AGBL4: variants seen among roughly 807,000 people sequenced by gnomAD.
AGBL4 encodes cytosolic carboxypeptidase 6.
AGBL4 carries 58 observed loss-of-function variants against 66.4 expected under a neutral mutation model. The observed-to-expected ratio is 0.87, with a 90% CI of 0.71 to 1.09. The LOEUF (loss-of-function observed/expected upper bound fraction) is 1.09. Ranked by LOEUF, AGBL4 falls within the 50% of genes least tolerant of loss-of-function variation. AGBL4 has a pLI of 0.00. For missense variants in AGBL4, 579 were observed against 631.0 expected (o/e 0.92, Z 0.88); for synonymous variants, 234 against 222.9 (o/e 1.05, Z -0.44).
At chr1:49,647,880 C>G (rs925475049) in intron 3 of AGBL4, among the ~76,000 whole-genome samples, 2 of 150,108 alleles carry the variant, frequency 1.3e-5, no homozygotes, top group Admixed American at 1.3e-4. Flanking sequence ...AACCTGAGGA[C>G]TAATTGTAGA....
intron 3 of AGBL4, among the ~76,000 whole-genome samples, chr1:49,257,045 T>A (rs1342338137): frequency 1.3e-5 from 2 of 151,656 alleles, no homozygotes; most frequent in African/African-American, 2.4e-5. Context: ...TACAGTTTTT[T>A]TTTTTACAAA....
At chr1:49,699,195 A>C (rs1647041771) in intron 2 of AGBL4, among the ~76,000 whole-genome samples, 1 of 152,074 alleles carries the variant, frequency 6.6e-6, no homozygotes, top group African/African-American at 2.4e-5. Context: ...GATAGTATCA[A>C]ACATATACTT....
At chr1:49,220,422 T>C in intron 4 of AGBL4, among the ~76,000 whole-genome samples, 1 of 152,216 alleles carries the variant, frequency 6.6e-6, no homozygotes. Flanking sequence ...TTAACCTCTT[T>C]GAGATTCACG....
rs12028300 is a variant in AGBL4 at position 49,583,645 on chromosome 1, T to C, written c.282+113668A>G. On this transcript the variant is annotated intron_variant, in intron 3 of 13. Coordinates refer to ENST00000371839, the MANE Select transcript of AGBL4 (RefSeq NM_032785.4). ...CATAAATGAATTGTAGGGCACACAA[T>C]TGGTAGCTGGAGAATTGTTCTGTCA... Among the ~76,000 whole-genome samples the C allele has an allele frequency of 8.1e-3, 1,233 of 152,154 alleles. 8 individuals are homozygous for C. The highest frequency in any genetic ancestry group is 0.031 in the Middle Eastern group (9 of 294).
intron 5 of AGBL4, among the ~76,000 whole-genome samples, chr1:48,958,351 C>G (rs569022891): frequency 5.1e-4 from 77 of 152,302 alleles, no homozygotes; most frequent in Non-Finnish European, 8.8e-4. Flanking sequence ...TTCTTATTCT[C>G]TCTTCTGCCA....
intron 5 of AGBL4, among the ~76,000 whole-genome samples, chr1:48,907,431 T>C (rs1027366842): frequency 1.3e-5 from 2 of 152,232 alleles, no homozygotes; most frequent in African/African-American, 4.8e-5. Flanking sequence ...CACGTGTTTC[T>C]CAAAAGCAGG....
rs576808871 is a variant in AGBL4, at chr1:49,069,134, C to T, written c.378-23334G>A. On this transcript the variant is annotated intron_variant, in intron 4 of 13. Transcript: ENST00000371839. ...TCTTTGTAGATTCTGTATATTAGCC[C>T]TTTGTCAGATGGCTAGATTGCAAAA... 5.3e-5 allele frequency among the ~76,000 whole-genome samples: 8 copies of T among 152,240 alleles called. No homozygotes were observed. The East Asian group carries it at 1.5e-3, about 29-fold the overall frequency.
In AGBL4 at chr1:49,350,165, TA is replaced by T. The variant is rs146450607; in HGVS notation, c.283-104302del. On this transcript the variant is annotated intron_variant, in intron 3 of 13. Coordinates refer to ENST00000371839, the MANE Select transcript of AGBL4 (RefSeq NM_032785.4). ...AATACTTAGATGGAAGTATTTCAAT[TA>T]AAATACTTCAATGAATATTTGTTTT... Among the ~76,000 whole-genome samples, 12 of 152,206 alleles carry T rather than the reference TA, an allele frequency of 7.9e-5. 1 individual carries two copies. In the South Asian group the frequency reaches 1.7e-3, roughly 21 times the overall value.
chr1:48,590,755 A>G, intron 10 of AGBL4, 78 bp downstream of exon 10: 2 of 1,478,300 alleles, frequency 1.4e-6, no homozygotes, highest in Non-Finnish European at 1.8e-6. Context: ...CTTAAAGCAA[A>G]CTGAACTGAG....
At chr1:48,569,728 G>A (rs77073272) in intron 11 of AGBL4, among the ~76,000 whole-genome samples, 22,076 of 152,092 alleles carry the variant, frequency 0.15, 1,996 homozygotes, top group East Asian at 0.22. Flanking sequence ...CTGGGTTTGC[G>A]AATCAGGAGA....
chr1:49,867,878 A>T (rs2148104644), intron 1 of AGBL4, among the ~76,000 whole-genome samples: 1 of 152,292 alleles, frequency 6.6e-6, no homozygotes, highest in Admixed American at 6.5e-5. Context: ...AGCAATATTA[A>T]CCTTAAATGT....
chr1:48,708,756 G>T (rs1353039797), intron 6 of AGBL4, among the ~76,000 whole-genome samples: 5 of 152,188 alleles, frequency 3.3e-5, no homozygotes, highest in African/African-American at 1.2e-4. Flanking sequence ...GAGGTAACCT[G>T]CCACCACTAG....
At chr1:48,953,459 G>C (rs558493172) in intron 5 of AGBL4, among the ~76,000 whole-genome samples, 1 of 152,282 alleles carries the variant, frequency 6.6e-6, no homozygotes, top group South Asian at 2.1e-4. Flanking sequence ...TCTGATTGAC[G>C]GGGCTTAGGT....
intron 2 of AGBL4, among the ~76,000 whole-genome samples, chr1:49,719,910 TC>T: frequency 6.6e-6 from 1 of 152,142 alleles, no homozygotes; most frequent in Middle Eastern, 3.4e-3. Flanking sequence ...TGTGTTTGCT[TC>T]CCCTTCCACC....
intron 9 of AGBL4, 40 bp downstream of exon 9, chr1:48,634,453 G>A: frequency 6.7e-7 from 1 of 1,486,982 alleles, no homozygotes; most frequent in Non-Finnish European, 9.2e-7. Context: ...CCCAGATCAA[G>A]CCATAGATCA....
chr1:48,599,802 A>G (rs1210372327), intron 9 of AGBL4, among the ~76,000 whole-genome samples: 1 of 152,248 alleles, frequency 6.6e-6, no homozygotes, highest in African/African-American at 2.4e-5. Flanking sequence ...AATGCAAGAC[A>G]GGAAGTGTCA....
intron 6 of AGBL4, among the ~76,000 whole-genome samples, chr1:48,721,965 A>G (rs1408591588): frequency 6.6e-6 from 1 of 152,204 alleles, no homozygotes; most frequent in Non-Finnish European, 1.5e-5. Flanking sequence ...CCAAGAGGCT[A>G]AAGTGGATGG....
intron 2 of AGBL4, among the ~76,000 whole-genome samples, chr1:49,743,908 G>T (rs1285036873): frequency 1.8e-5 from 2 of 112,174 alleles, no homozygotes; most frequent in Non-Finnish European, 3.5e-5. Flanking sequence ...CTATTGTGGG[G>T]TGGGGGGAGG....
chr1:49,832,912 G>T (rs566641208), intron 2 of AGBL4, among the ~76,000 whole-genome samples: 4,222 of 152,092 alleles, frequency 0.028, 161 homozygotes, highest in African/African-American at 0.096. Context: ...CAGATGAGTA[G>T]GTTGTGAAAA....
Sources: allele counts gnomAD v4.1 joint callset (sites outside exome capture counted in the v4.1 genomes callset), GRCh38; gene constraint gnomAD v4.1.1; transcripts MANE v1.5; gene names NCBI Gene and HGNC (gene_info 2026-07-23, HGNC 2026-07-21).